Variants in NDST4 observed in about 807,000 individuals in gnomAD.
NDST4 encodes the protein N-heparan sulfate sulfotransferase 4.
A neutral mutation model predicts 100.8 loss-of-function variants in NDST4; 63 were observed. The observed-to-expected ratio is 0.62, with a 90% CI of 0.51 to 0.77. NDST4 has a LOEUF of 0.77. NDST4 is among the 30% of genes least tolerant of loss of function. NDST4 has a pLI of 0.00. For missense variants in NDST4, 943 were observed against 1,018.4 expected, an observed-to-expected ratio of 0.93 and a Z score of 1.01; for synonymous variants, 377 against 361.8, an observed-to-expected ratio of 1.04 and a Z score of -0.48.
chr4:114,933,607 A>G (rs1002266188), intron 6 of NDST4, among the ~76,000 whole-genome samples: 8 of 151,808 alleles, frequency 5.3e-5, no homozygotes, highest in Admixed American at 5.3e-4. Context: ...CCATATATCT[A>G]CAAATGCTTA....
Position 114,829,876 on chromosome 4 carries a change from C to G in NDST4, c.2413G>C (p.Gly805Arg), listed in dbSNP as rs539492869. 4 of 1,610,152 alleles carry G rather than the reference C, an allele frequency of 2.5e-6. No homozygotes were observed. The highest frequency in any genetic ancestry group is 3.4e-5 in the Admixed American group (2 of 58,822). Residue 805 changes from glycine (G) to arginine (R), a missense_variant, in exon 13 of 14, where the codon GGT becomes CGT. Coordinates refer to ENST00000264363, the MANE Select transcript of NDST4 (RefSeq NM_022569.3). ...SEALTFDPQKGFWCQLLEGGK... is the reference protein window; with the variant it reads ...SEALTFDPQKRFWCQLLEGGK... ...CCTTCCAGTAATTGACACCAAAAAC[C>G]CTTTTGGGGATCAAACCTACAGTAC...
intron 2 of NDST4, among the ~76,000 whole-genome samples, chr4:115,027,707 A>G (rs1456423434): frequency 6.6e-6 from 1 of 152,098 alleles, no homozygotes; most frequent in Admixed American, 6.6e-5. Context: ...TTAAATTTTA[A>G]TATCATGTTA....
intron 2 of NDST4, among the ~76,000 whole-genome samples, chr4:115,016,575 T>C (rs933984194): frequency 2.0e-5 from 3 of 152,126 alleles, no homozygotes; most frequent in Non-Finnish European, 4.4e-5. Context: ...GGCTTTCTAA[T>C]GCCTCTGATT....
intron 4 of NDST4, among the ~76,000 whole-genome samples, chr4:114,961,917 AAT>A (rs1219453470): frequency 6.6e-6 from 1 of 152,100 alleles, no homozygotes; most frequent in Non-Finnish European, 1.5e-5. Flanking sequence ...TATCTCTATT[AAT>A]AGAGTTTAAA....
chr4:114,839,064 T>C (rs951687536), intron 11 of NDST4, among the ~76,000 whole-genome samples: 5 of 152,176 alleles, frequency 3.3e-5, no homozygotes, highest in African/African-American at 1.2e-4. Flanking sequence ...TCACATGATG[T>C]CTCCTGTATG....
At chr4:114,962,737 A>C (rs1159370987) in intron 4 of NDST4, among the ~76,000 whole-genome samples, 5 of 152,124 alleles carry the variant, frequency 3.3e-5, no homozygotes, top group Non-Finnish European at 7.4e-5. Context: ...GTATTTCCCA[A>C]ATTGAGTTGC....
At chr4:114,985,787 G>T (rs564303123) in intron 2 of NDST4, among the ~76,000 whole-genome samples, 1 of 152,214 alleles carries the variant, frequency 6.6e-6, no homozygotes, top group African/African-American at 2.4e-5. Context: ...CAGTATCTAC[G>T]TTTCAACAAG....
At chr4:115,068,107 C>G (rs1438064045) in intron 2 of NDST4, among the ~76,000 whole-genome samples, 1 of 151,954 alleles carries the variant, frequency 6.6e-6, no homozygotes, top group South Asian at 2.1e-4. Flanking sequence ...AACTTATTTC[C>G]CTGTGTTTTC....
Position 115,078,791 on chromosome 4 carries a change from G to T in NDST4, c.-246-1509C>A, listed in dbSNP as rs529494470. On this transcript the variant is annotated intron_variant, in intron 1 of 13. Coordinates refer to ENST00000264363, the MANE Select transcript of NDST4 (RefSeq NM_022569.3). ...GGAGGCGGAAGATGCAGTGAGCTGAGATTGTGCCACTGCACTCCAGCCTGG... is the reference window on the plus strand; with the variant it reads ...GGAGGCGGAAGATGCAGTGAGCTGATATTGTGCCACTGCACTCCAGCCTGG... Among the ~76,000 whole-genome samples, 3 of 152,050 alleles carry T rather than the reference G, an allele frequency of 2.0e-5. No homozygotes were observed. The South Asian group carries it at 6.2e-4, about 31-fold the overall frequency.
intron 6 of NDST4, among the ~76,000 whole-genome samples, chr4:114,890,991 G>C (rs1724582453): frequency 6.6e-6 from 1 of 151,698 alleles, no homozygotes; most frequent in African/African-American, 2.4e-5. Flanking sequence ...TTTGTATTTG[G>C]CTTTGGGTTT....
chr4:115,105,191 A>G (rs1729810982), intron 1 of NDST4, among the ~76,000 whole-genome samples: 1 of 152,182 alleles, frequency 6.6e-6, no homozygotes, highest in Non-Finnish European at 1.5e-5. Flanking sequence ...GGCTTCTACA[A>G]AAAGGCATCA....
chr4:114,929,156 CTATCTATG>C (rs1232236404), intron 6 of NDST4, among the ~76,000 whole-genome samples: 25 of 147,484 alleles, frequency 1.7e-4, no homozygotes, highest in African/African-American at 4.2e-4. Flanking sequence ...ATCTATCTAT[CTATCTATG>C]TATCTAAATC....
intron 2 of NDST4, among the ~76,000 whole-genome samples, chr4:115,057,106 A>T (rs1278483632): frequency 6.6e-6 from 1 of 152,186 alleles, no homozygotes; most frequent in Non-Finnish European, 1.5e-5. Flanking sequence ...ATATAATCCC[A>T]GAGGCTGATG....
intron 6 of NDST4, among the ~76,000 whole-genome samples, chr4:114,925,099 T>G (rs534898161): frequency 4.6e-4 from 70 of 152,284 alleles, no homozygotes; most frequent in Non-Finnish European, 6.6e-4. Context: ...TGATGGAATA[T>G]ATAATTGCTT....
At chr4:114,875,626 C>T (rs1388141168) in intron 6 of NDST4, among the ~76,000 whole-genome samples, 3 of 152,120 alleles carry the variant, frequency 2.0e-5, no homozygotes, top group Non-Finnish European at 4.4e-5. Context: ...AATTAGGCAA[C>T]TGCTTATCCC....
At chr4:114,943,722 T>G (rs897357362) in intron 4 of NDST4, among the ~76,000 whole-genome samples, 1 of 152,288 alleles carries the variant, frequency 6.6e-6, no homozygotes, top group Admixed American at 6.5e-5. Flanking sequence ...TTGGCTGGAT[T>G]TGAATTTTGG....
At chr4:115,098,349 C>G (rs181200681) in intron 1 of NDST4, among the ~76,000 whole-genome samples, 1 of 152,084 alleles carries the variant, frequency 6.6e-6, no homozygotes, top group Non-Finnish European at 1.5e-5. Flanking sequence ...ACATGGTAAA[C>G]ATTTCCTTTT....
intron 4 of NDST4, among the ~76,000 whole-genome samples, chr4:114,938,603 G>C (rs1001763233): frequency 3.9e-5 from 6 of 152,178 alleles, no homozygotes; most frequent in African/African-American, 1.4e-4. Flanking sequence ...CAAAAGTGTT[G>C]ACTTGACAAT....
chr4:114,996,257 T>C (rs773298610), intron 2 of NDST4, among the ~76,000 whole-genome samples: 1 of 152,048 alleles, frequency 6.6e-6, no homozygotes, highest in Non-Finnish European at 1.5e-5. Flanking sequence ...AAGCGTCTGG[T>C]GTTTCCCCTG....
Sources: allele counts gnomAD v4.1 joint callset (sites outside exome capture counted in the v4.1 genomes callset), GRCh38; gene constraint gnomAD v4.1.1; transcripts MANE v1.5; gene names NCBI Gene and HGNC (gene_info 2026-07-23, HGNC 2026-07-21).